DLGAP2: variants seen among roughly 807,000 people sequenced by gnomAD.
The protein encoded by DLGAP2 is DLG associated protein 2, also known as disks large-associated protein 2.
DLGAP2 carries 26 observed loss-of-function variants against 100.3 expected under a neutral mutation model. The observed-to-expected ratio is 0.26, with a 90% CI of 0.19 to 0.36. The LOEUF (loss-of-function observed/expected upper bound fraction) is 0.36. Ranked by LOEUF, DLGAP2 falls within the 10% of genes least tolerant of loss-of-function variation. The pLI is 1.00. For synonymous variants in DLGAP2, 886 were observed against 630.1 expected, an observed-to-expected ratio of 1.41 and a Z score of -6.08; for missense variants, 1,858 against 1,453.2, an observed-to-expected ratio of 1.28 and a Z score of -4.53.
chr8:985,747 A>G (rs1800467748), intron 2 of DLGAP2, among the ~76,000 whole-genome samples: 1 of 152,188 alleles, frequency 6.6e-6, no homozygotes, highest in East Asian at 1.9e-4. Context: ...GATTATTTCA[A>G]GGTAACGCTT....
intron 2 of DLGAP2, among the ~76,000 whole-genome samples, chr8:1,038,641 T>C (rs1422814597): frequency 3.3e-5 from 5 of 152,392 alleles, no homozygotes; most frequent in East Asian, 1.9e-4. Flanking sequence ...GTTAGCACTT[T>C]AATTTCACAA....
At chr8:1,075,882 C>A (rs917853507) in intron 2 of DLGAP2, among the ~76,000 whole-genome samples, 1 of 149,616 alleles carries the variant, frequency 6.7e-6, no homozygotes, top group Non-Finnish European at 1.5e-5. Context: ...GCCTGGGCAA[C>A]GGAGGGAGAC....
intron 2 of DLGAP2, among the ~76,000 whole-genome samples, chr8:1,062,427 C>T (rs1024614554): frequency 6.6e-6 from 1 of 151,778 alleles, no homozygotes; most frequent in Non-Finnish European, 1.5e-5. Flanking sequence ...CCCCGTCCAC[C>T]CAGACGCCTC....
At position 1,417,165 on chromosome 8, in the gene DLGAP2, A is replaced by AGACCCCCGTTCATTCATTT. The variant is rs1563133726; in HGVS notation, c.107-84201_107-84200insGACCCCCGTTCATTCATTT. Among the ~76,000 whole-genome samples the AGACCCCCGTTCATTCATTT allele has an allele frequency of 7.2e-5, 6 of 83,308 alleles. 2 individuals carry two copies. The highest frequency in any genetic ancestry group is 1.0e-4 in the Admixed American group (1 of 9,612). 54.7% of individuals were successfully genotyped at this position (83,308 alleles called of 152,430 possible). On this transcript the variant is annotated intron_variant, in intron 3 of 14. Coordinates refer to ENST00000637795, the MANE Select transcript of DLGAP2 (RefSeq NM_001346810.2). ...GCGGGGGAGACTCTGAGTGAAGGGGAAGCCCCCGTTCATTTAGTGTCTGAG... is the reference window on the plus strand; with the variant it reads ...GCGGGGGAGACTCTGAGTGAAGGGGAGACCCCCGTTCATTCATTTAGCCCCCGTTCATTTAGTGTCTGAG...
chr8:1,581,669 G>C (rs1803266846), intron 6 of DLGAP2, among the ~76,000 whole-genome samples: 1 of 148,332 alleles, frequency 6.7e-6, no homozygotes, highest in African/African-American at 2.5e-5. Context: ...CAACCAGAAA[G>C]ATACAGACAA....
At chr8:1,120,606 A>G (rs1447860905) in intron 2 of DLGAP2, among the ~76,000 whole-genome samples, 2 of 145,956 alleles carry the variant, frequency 1.4e-5, no homozygotes, top group African/African-American at 2.6e-5. Flanking sequence ...ATCCTTGCCC[A>G]TTAGGACCCA....
At chr8:1,457,405 G>A (rs369332191) in intron 3 of DLGAP2, among the ~76,000 whole-genome samples, 1 of 152,160 alleles carries the variant, frequency 6.6e-6, no homozygotes, top group Admixed American at 6.5e-5. Flanking sequence ...GGCTGTGTAT[G>A]CCGTAAGAAA....
chr8:752,508 C>T (rs1367289775), intron 1 of DLGAP2, among the ~76,000 whole-genome samples: 1 of 152,178 alleles, frequency 6.6e-6, no homozygotes, highest in Middle Eastern at 3.2e-3. Flanking sequence ...CGGTCAGCAC[C>T]AGCCGCCTGG....
intron 3 of DLGAP2, among the ~76,000 whole-genome samples, chr8:1,497,901 A>G (rs1190995049): frequency 6.6e-6 from 1 of 152,208 alleles, no homozygotes; most frequent in Non-Finnish European, 1.5e-5. Flanking sequence ...ATTCTGAGCC[A>G]AAGATGAATG....
intron 4 of DLGAP2, among the ~76,000 whole-genome samples, chr8:1,526,218 C>T (rs902826441): frequency 1.3e-5 from 2 of 151,526 alleles, no homozygotes; most frequent in East Asian, 2.0e-4. Flanking sequence ...GCATTGACTC[C>T]CCAGGTGGAC....
chr8:1,583,854 C>A (rs1796028996), intron 6 of DLGAP2, among the ~76,000 whole-genome samples: 1 of 152,030 alleles, frequency 6.6e-6, no homozygotes, highest in African/African-American at 2.4e-5. Context: ...TCGTGATCTG[C>A]CCCCGGAAAG....
At chr8:781,249 A>T (rs1821679195) in intron 1 of DLGAP2, among the ~76,000 whole-genome samples, 1 of 152,300 alleles carries the variant, frequency 6.6e-6, no homozygotes, top group South Asian at 2.1e-4. Flanking sequence ...GCATCATCAG[A>T]TGTTAAAACT....
intron 1 of DLGAP2, among the ~76,000 whole-genome samples, chr8:782,471 TGG>T (rs914224265): frequency 3.2e-4 from 48 of 152,358 alleles, no homozygotes; most frequent in African/African-American, 1.1e-3. Context: ...CCATTTCATG[TGG>T]ATCAGTATTT....
At chr8:1,070,764 A>G (rs1252404118) in intron 2 of DLGAP2, among the ~76,000 whole-genome samples, 1 of 152,170 alleles carries the variant, frequency 6.6e-6, no homozygotes, top group African/African-American at 2.4e-5. Flanking sequence ...TGAATGAATG[A>G]TTGTGCACAG....
chr8:1,128,420 C>T (rs1159343829), intron 2 of DLGAP2, among the ~76,000 whole-genome samples: 2 of 152,242 alleles, frequency 1.3e-5, no homozygotes, highest in African/African-American at 4.8e-5. Context: ...TTATACAGCC[C>T]AGTCCTTACT....
At chr8:888,579 T>A (rs1253103302) in intron 1 of DLGAP2, among the ~76,000 whole-genome samples, 1 of 152,120 alleles carries the variant, frequency 6.6e-6, no homozygotes, top group South Asian at 2.1e-4. Flanking sequence ...TTTTTGTTGT[T>A]GTTTATGCTG....
intron 2 of DLGAP2, among the ~76,000 whole-genome samples, chr8:974,418 G>C (rs1800110927): frequency 2.6e-5 from 4 of 152,178 alleles, no homozygotes; most frequent in Non-Finnish European, 5.9e-5. Context: ...TCTGTCTATA[G>C]ATGACTTCAT....
intron 1 of DLGAP2, among the ~76,000 whole-genome samples, chr8:746,480 G>A (rs974296035): frequency 1.3e-5 from 2 of 152,202 alleles, no homozygotes; most frequent in African/African-American, 4.8e-5. Flanking sequence ...AGAGCTGGGG[G>A]CGCAGCCTCC....
intron 3 of DLGAP2, among the ~76,000 whole-genome samples, chr8:1,346,050 A>C (rs1418553701): frequency 6.6e-6 from 1 of 152,210 alleles, no homozygotes; most frequent in Non-Finnish European, 1.5e-5. Flanking sequence ...CGCCATGGGC[A>C]CTGTGCTCAT....
Sources: gnomAD v4.1 joint callset for allele counts (sites outside exome capture counted in the v4.1 genomes callset) on GRCh38, gnomAD v4.1.1 for gene constraint, MANE v1.5 for transcripts, NCBI Gene and HGNC (gene_info 2026-07-23, HGNC 2026-07-21) for gene names.